The following ZNF521 variants were observed in gnomAD, a reference collection of about 807,000 sequenced individuals.
ZNF521 encodes the protein LYST-interacting protein 3.
Under a neutral mutation model 105.5 loss-of-function variants are expected in ZNF521, and 14 were observed. That is an observed-to-expected ratio of 0.13 (90% confidence interval 0.09 to 0.21). The LOEUF (loss-of-function observed/expected upper bound fraction) is 0.21, where lower values mean the gene tolerates loss of function less well. Ranked by LOEUF, ZNF521 falls within the 10% of genes least tolerant of loss-of-function variation. The pLI is 1.00. For synonymous variants in ZNF521, 635 were observed against 606.0 expected, an observed-to-expected ratio of 1.05 and a Z score of -0.70; for missense variants, 1,233 against 1,629.7, an observed-to-expected ratio of 0.76 and a Z score of 4.19.
chr18:25,139,108 C>A (rs980784416), intron 5 of ZNF521, among the ~76,000 whole-genome samples: 1 of 151,992 alleles, frequency 6.6e-6, no homozygotes, highest in Non-Finnish European at 1.5e-5. Context: ...CGGTGGCTCA[C>A]GCCTGTAATC....
intron 4 of ZNF521, among the ~76,000 whole-genome samples, chr18:25,199,470 T>C (rs973727678): frequency 6.6e-5 from 10 of 151,986 alleles, no homozygotes; most frequent in African/African-American, 2.4e-4. Context: ...CGGGATGTTA[T>C]TGTTACCTTT....
At chr18:25,237,870 C>G (rs1394609316) in intron 3 of ZNF521, among the ~76,000 whole-genome samples, 3 of 152,092 alleles carry the variant, frequency 2.0e-5, no homozygotes, top group Non-Finnish European at 2.9e-5. Context: ...GTGATTGAAG[C>G]CTACACAGAG....
At chr18:25,345,293 G>A (rs1397560507) in intron 2 of ZNF521, 1 of 152,174 alleles carries the variant, frequency 6.6e-6, no homozygotes, top group Non-Finnish European at 1.5e-5. Context: ...ACTGTTAGAC[G>A]TCACTGCTGT....
At position 25,352,027 on chromosome 18, in the gene ZNF521, G is replaced by A; in HGVS notation, c.-24C>T. ...AACCTGCAAGGTCTTGGACTGCGCTGTCGCTCCGGTAGTCCACATAATAAT... is the reference window on the plus strand; with the variant it reads ...AACCTGCAAGGTCTTGGACTGCGCTATCGCTCCGGTAGTCCACATAATAAT... On this transcript the variant is annotated 5_prime_UTR_variant, in exon 1 of 8. Transcript: ENST00000361524. 2.1e-6 allele frequency: 1 copy of A among 481,260 alleles called. No individual in the cohort carries two copies. The highest frequency in any genetic ancestry group is 4.2e-6 in the Non-Finnish European group (1 of 238,116). The allele number at this position is 481,260 out of a possible 1,614,324, so 29.8% of individuals were successfully genotyped here. A position where few individuals can be genotyped will look rare whatever the true frequency, so the allele number is the denominator to read the frequency against.
intron 3 of ZNF521, among the ~76,000 whole-genome samples, chr18:25,234,749 A>C (rs937756014): frequency 1.3e-5 from 2 of 152,180 alleles, no homozygotes; most frequent in African/African-American, 4.8e-5. Context: ...AGCAGAAAGG[A>C]ATCAAAATTA....
intron 3 of ZNF521, among the ~76,000 whole-genome samples, chr18:25,293,016 T>C (rs185208685): frequency 6.6e-6 from 1 of 152,302 alleles, no homozygotes; most frequent in East Asian, 1.9e-4. Context: ...CCAAGGTCAC[T>C]TCTGGGTCCA....
At chr18:25,228,656 T>C (rs766386156) in intron 3 of ZNF521, among the ~76,000 whole-genome samples, 2 of 152,208 alleles carry the variant, frequency 1.3e-5, no homozygotes, top group Non-Finnish European at 2.9e-5. Flanking sequence ...TAAATGATTA[T>C]GGTAAATGCT....
rs10540123 is a variant in ZNF521 at position 25,062,752 on chromosome 18, C to CAAAA, written c.3907-15_3907-12dup. 3,343 of 364,880 alleles carry CAAAA rather than the reference C, an allele frequency of 9.2e-3. 261 individuals carry two copies. The highest frequency in any genetic ancestry group is 0.017 in the South Asian group (515 of 30,042). The allele number at this position is 364,880 out of a possible 1,614,324, so 22.6% of individuals were successfully genotyped here. On this transcript the variant is annotated splice_polypyrimidine_tract_variant and intron_variant, in intron 7 of 7. Coordinates refer to ENST00000361524, the MANE Select transcript of ZNF521 (RefSeq NM_015461.3). ...GGTCATTGTATGATTCTGTAAATAA[C>CAAAA]AAAAAAAAAAAAAAAAAAAAAAAAA...
intron 3 of ZNF521, among the ~76,000 whole-genome samples, chr18:25,247,112 G>C (rs1309234086): frequency 6.6e-6 from 1 of 152,176 alleles, no homozygotes; most frequent in East Asian, 1.9e-4. Flanking sequence ...ATGAGACCCA[G>C]AAGAGGCACA....
chr18:25,101,569 T>C (rs756467232), intron 5 of ZNF521, among the ~76,000 whole-genome samples: 10 of 152,104 alleles, frequency 6.6e-5, no homozygotes, highest in Non-Finnish European at 1.5e-4. Context: ...GGAAAATTTA[T>C]AGTCAGGAAT....
At chr18:25,150,715 A>G (rs1256517712) in intron 5 of ZNF521, among the ~76,000 whole-genome samples, 3 of 151,966 alleles carry the variant, frequency 2.0e-5, no homozygotes, top group Non-Finnish European at 4.4e-5. Context: ...TTTCACATCT[A>G]TTGGGTCATA....
chr18:25,217,393 T>A (rs1342582190), intron 4 of ZNF521, among the ~76,000 whole-genome samples: 1 of 152,152 alleles, frequency 6.6e-6, no homozygotes, highest in African/African-American at 2.4e-5. Context: ...GGATTAAACA[T>A]GGAGAATGAG....
chr18:25,089,688 G>GTGA (rs2144208568), intron 6 of ZNF521, 108 bp from the exon 7 acceptor site: 1 of 815,864 alleles, frequency 1.2e-6, no homozygotes, highest in Admixed American at 2.0e-5. Flanking sequence ...CCTCCCAGGT[G>GTGA]TGACTTACTG....
chr18:25,091,649 C>T (rs1339823161), intron 6 of ZNF521, among the ~76,000 whole-genome samples: 1 of 151,572 alleles, frequency 6.6e-6, no homozygotes, highest in African/African-American at 2.4e-5. Flanking sequence ...TAACCTTTAA[C>T]ATCGAGAGAA....
chr18:25,150,126 C>A (rs910118816), intron 5 of ZNF521, among the ~76,000 whole-genome samples: 30 of 152,146 alleles, frequency 2.0e-4, no homozygotes, highest in Admixed American at 1.3e-4. Context: ...GCATTCACAG[C>A]AACTTGGATG....
intron 3 of ZNF521, among the ~76,000 whole-genome samples, chr18:25,313,725 T>C (rs1008715977): frequency 6.6e-6 from 1 of 152,250 alleles, no homozygotes; most frequent in Non-Finnish European, 1.5e-5. Flanking sequence ...ATTTCTGTTT[T>C]TGTGAATGTT....
At position 25,225,097 on chromosome 18, in the gene ZNF521, A is replaced by G; in HGVS notation, c.2821T>C (p.Ser941Pro). 6.2e-7 allele frequency: 1 copy of G among 1,614,120 alleles called. No homozygotes were observed. Among genetic ancestry groups the G allele is most frequent in the Non-Finnish European group, 8.5e-7 (1 of 1,180,012 alleles). The change falls in exon 4 of 8, where the codon TCC becomes CCC. Residue 941 changes from serine (S) to proline (P), a missense_variant. Ser to Pro is a moderately conservative substitution (Grantham distance 74). Transcript: ENST00000361524. This position sits in a 1 kb window ranked among gnomAD's most constrained non-coding sequence, Gnocchi z 5.6. The part of the protein sequence containing the change: ...KCNVCSRTFF[S>P]ENGLREHMQT... The stretch of plus-strand genomic sequence containing the variant: ...ATATGTTCCCGGAGGCCATTTTCGG[A>G]GAAGAAGGTTCGAGAGCACACGTTG...
intron 6 of ZNF521, among the ~76,000 whole-genome samples, chr18:25,090,994 T>C (rs1322206424): frequency 2.0e-5 from 3 of 152,224 alleles, no homozygotes; most frequent in Admixed American, 2.0e-4. Context: ...GGCAGAGCCA[T>C]CAACGTACTC....
intron 6 of ZNF521, among the ~76,000 whole-genome samples, chr18:25,090,676 C>T (rs564389865): frequency 9.3e-4 from 142 of 152,172 alleles, no homozygotes; most frequent in Non-Finnish European, 1.7e-3. Context: ...CATAGATTTG[C>T]AGCTAATCTG....
Sources: gnomAD v4.1 joint callset for allele counts (sites outside exome capture counted in the v4.1 genomes callset) on GRCh38, gnomAD v4.1.1 for gene constraint, Gnocchi (gnomAD v3.1) non-coding constraint, MANE v1.5 for transcripts, NCBI Gene and HGNC (gene_info 2026-07-23, HGNC 2026-07-21) for gene names.